LAMC1: variants seen among roughly 807,000 people sequenced by gnomAD.
LAMC1 encodes laminin subunit gamma-1.
LAMC1 carries 38 observed loss-of-function variants against 173.6 expected under a neutral mutation model. The observed-to-expected ratio is 0.22, with a 90% CI of 0.17 to 0.29. The LOEUF (loss-of-function observed/expected upper bound fraction) is 0.29. Ranked by LOEUF, LAMC1 falls within the 10% of genes least tolerant of loss-of-function variation. The probability of loss-of-function intolerance (pLI) is 1.00; values close to 1 mark genes in which losing one functional copy is unlikely to be tolerated. For missense variants in LAMC1, 1,824 were observed against 2,051.8 expected, an observed-to-expected ratio of 0.89 and a Z score of 2.14; for synonymous variants, 746 against 749.1, an observed-to-expected ratio of 1.00 and a Z score of 0.07.
At chr1:183,099,002 C>T (rs1354640518) in intron 1 of LAMC1, among the ~76,000 whole-genome samples, 2 of 152,040 alleles carry the variant, frequency 1.3e-5, no homozygotes, top group African/African-American at 2.4e-5. Flanking sequence ...TATCATCTTC[C>T]CCTCCTTCTC....
intron 1 of LAMC1, among the ~76,000 whole-genome samples, chr1:183,043,886 C>G (rs1485735896): frequency 3.9e-5 from 6 of 152,212 alleles, no homozygotes; most frequent in Admixed American, 3.9e-4. Flanking sequence ...ATTTGAGATA[C>G]ATTTTGAATT....
At chr1:183,088,702 T>C (rs1655493705) in intron 1 of LAMC1, among the ~76,000 whole-genome samples, 1 of 152,138 alleles carries the variant, frequency 6.6e-6, no homozygotes, top group African/African-American at 2.4e-5. Context: ...GTGCTATGTG[T>C]TCGGAAAAGT....
intron 18 of LAMC1, 147 bp downstream of exon 18, chr1:183,128,897 C>A: frequency 3.6e-6 from 2 of 558,754 alleles, no homozygotes; most frequent in Non-Finnish European, 5.4e-6. Context: ...TTTTTAAACA[C>A]TAATTCAAAA....
chr1:183,090,230 A>G (rs1655530974), intron 1 of LAMC1, among the ~76,000 whole-genome samples: 1 of 152,118 alleles, frequency 6.6e-6, no homozygotes, highest in Admixed American at 6.6e-5. Flanking sequence ...ATTTCTTAAC[A>G]GTCATTAGAA....
intron 1 of LAMC1, among the ~76,000 whole-genome samples, chr1:183,071,989 G>A (rs756041633): frequency 3.3e-5 from 5 of 152,218 alleles, no homozygotes; most frequent in African/African-American, 4.8e-5. Context: ...AGTACCATGA[G>A]CAGTAAAAAT....
At chr1:183,117,112 A>T in intron 8 of LAMC1, 2 of 681,562 alleles carry the variant, frequency 2.9e-6, no homozygotes, top group South Asian at 4.6e-5. Flanking sequence ...TGGTGATTAC[A>T]AATGTTATAT....
intron 1 of LAMC1, among the ~76,000 whole-genome samples, chr1:183,095,414 A>G (rs1035814165): frequency 6.6e-6 from 1 of 152,236 alleles, no homozygotes; most frequent in Non-Finnish European, 1.5e-5. Flanking sequence ...TATGAATATC[A>G]CAGAACAAGA....
rs1428900553 is a variant in LAMC1 at position 183,108,266 on chromosome 1, T to A, written c.724-10T>A. The A allele has an allele frequency of 1.9e-6, 3 of 1,611,982 alleles. No homozygotes were observed. The highest frequency in any genetic ancestry group is 1.7e-6 in the Non-Finnish European group (2 of 1,178,626). On this transcript the variant is annotated splice_polypyrimidine_tract_variant and intron_variant, in intron 2 of 27. Coordinates refer to ENST00000258341, the MANE Select transcript of LAMC1 (RefSeq NM_002293.4). Reference sequence around the variant, plus strand: ...TTCTCTTTTATGTTTCTATTTTTGCTTCCTGACAGGAATGGGTAACTGCCA... The same window carrying A: ...TTCTCTTTTATGTTTCTATTTTTGCATCCTGACAGGAATGGGTAACTGCCA...
Position 183,134,653 on chromosome 1 carries a change from T to A in LAMC1, c.3850-7T>A. On this transcript the variant is annotated splice_polypyrimidine_tract_variant and splice_region_variant and intron_variant, in intron 22 of 27. Coordinates refer to ENST00000258341, the MANE Select transcript of LAMC1 (RefSeq NM_002293.4). ...CAAAGTGTAGTGATCTTACTTGCTT[T>A]TCACAGAATGAAGCAAATAACATAA... is the stretch of plus-strand genomic sequence containing the variant. 1 of 1,606,014 alleles carries A rather than the reference T, an allele frequency of 6.2e-7. No homozygotes were observed.
chr1:183,140,069 G>A lies in LAMC1; in HGVS notation c.4474-335G>A, dbSNP rs185929670. On this transcript the variant is annotated intron_variant, in intron 26 of 27. Coordinates refer to ENST00000258341, the MANE Select transcript of LAMC1 (RefSeq NM_002293.4). ...AAAATAACTTGTTTCTGCTTAATAG[G>A]CTTTACTATGAATATACCTCCATAT... Among the ~76,000 whole-genome samples, 3 of 151,832 alleles carry A rather than the reference G, an allele frequency of 2.0e-5. No homozygotes were observed. In the East Asian group the frequency reaches 5.8e-4, roughly 29 times the overall value.
At chr1:183,102,160 T>C (rs1655853778) in intron 1 of LAMC1, among the ~76,000 whole-genome samples, 1 of 152,248 alleles carries the variant, frequency 6.6e-6, no homozygotes, top group South Asian at 2.1e-4. Context: ...ACATGAGGAA[T>C]CGCTCCTTGT....
chr1:183,106,196 G>GA (rs946952197), intron 2 of LAMC1, among the ~76,000 whole-genome samples: 10 of 150,260 alleles, frequency 6.7e-5, no homozygotes, highest in South Asian at 4.2e-4. Flanking sequence ...TGCCCATTAG[G>GA]AAAAAAAAAT....
chr1:183,128,435 C>A (rs1322459360), intron 17 of LAMC1, among the ~76,000 whole-genome samples, 159 bp from the exon 18 acceptor site: 1 of 150,084 alleles, frequency 6.7e-6, no homozygotes, highest in Non-Finnish European at 1.5e-5. Flanking sequence ...GCATGTTGTG[C>A]ACATGTATCC....
chr1:183,117,238 A>G, intron 8 of LAMC1, 82 bp from the exon 9 acceptor site: 1 of 1,456,874 alleles, frequency 6.9e-7, no homozygotes, highest in Non-Finnish European at 9.3e-7. Context: ...GTGTGGTCTT[A>G]CACATTTTTA....
intron 1 of LAMC1, among the ~76,000 whole-genome samples, chr1:183,041,556 T>C (rs978629214): frequency 2.0e-5 from 3 of 152,184 alleles, no homozygotes; most frequent in African/African-American, 7.2e-5. Flanking sequence ...TGTATTGTTT[T>C]CTCTCTTTCC....
rs1189913488 is a variant in LAMC1 at position 183,121,822 on chromosome 1, G to C, written c.2090G>C (p.Gly697Ala). ...VESCTCPVGY[G>A]GQFCEMCLSG... ...TCCTGCACCTGTCCTGTGGGATATG[G>C]AGGGCAGTTTTGTGAGATGTGCCTC... is the stretch of plus-strand genomic sequence containing the variant. The change falls in exon 12 of 28, where the codon GGA (glycine) becomes GCA (alanine). Residue 697 changes from glycine (G) to alanine (A), a missense_variant. Transcript: ENST00000258341. 6.2e-7 allele frequency: 1 copy of C among 1,614,150 alleles called. No homozygotes were observed. Among genetic ancestry groups the C allele is most frequent in the Non-Finnish European group, 8.5e-7 (1 of 1,180,034 alleles).
intron 1 of LAMC1, among the ~76,000 whole-genome samples, chr1:183,062,421 G>A (rs906139934): frequency 6.6e-6 from 1 of 152,164 alleles, no homozygotes; most frequent in East Asian, 1.9e-4. Context: ...TATTAGGTGA[G>A]GTGCATGGAT....
intron 1 of LAMC1, among the ~76,000 whole-genome samples, chr1:183,047,935 A>T (rs1364599870): frequency 6.6e-6 from 1 of 152,092 alleles, no homozygotes; most frequent in Non-Finnish European, 1.5e-5. Context: ...GTATATAAAT[A>T]TTTTTTTAGC....
intron 4 of LAMC1, among the ~76,000 whole-genome samples, chr1:183,113,835 G>A (rs574001173): frequency 1.3e-5 from 2 of 152,304 alleles, no homozygotes; most frequent in East Asian, 3.9e-4. Flanking sequence ...ATATAAAATG[G>A]CACTTTGTTT....
Sources: gnomAD v4.1 joint callset for allele counts (sites outside exome capture counted in the v4.1 genomes callset) on GRCh38, gnomAD v4.1.1 for gene constraint, MANE v1.5 for transcripts, NCBI Gene and HGNC (gene_info 2026-07-23, HGNC 2026-07-21) for gene names.